Variants in CYP7B1 observed in about 807,000 individuals in gnomAD.
CYP7B1 encodes the protein cytochrome P450 7B1.
A neutral mutation model predicts 42.7 loss-of-function variants in CYP7B1; 29 were observed. The ratio of observed to expected loss-of-function variants is 0.68; its 90% CI spans 0.51 to 0.93. The LOEUF (loss-of-function observed/expected upper bound fraction) is 0.93. Among genes scored for constraint, CYP7B1 ranks in the 40% least tolerant of loss-of-function variants. The probability of loss-of-function intolerance (pLI) is 0.00; values close to 1 mark genes in which losing one functional copy is unlikely to be tolerated. For synonymous variants in CYP7B1, 235 were observed against 218.2 expected (o/e 1.08, Z -0.68); for missense variants, 655 against 600.5 (o/e 1.09, Z -0.95).
chr8:64,759,157 G>A (rs947641845), intron 1 of CYP7B1, among the ~76,000 whole-genome samples: 1 of 152,232 alleles, frequency 6.6e-6, no homozygotes, highest in Non-Finnish European at 1.5e-5. Context: ...TGAATCTGCT[G>A]TAGCTCGCCA....
At chr8:64,586,639 A>C (rs947020643), downstream of CYP7B1, among the ~76,000 whole-genome samples, 4 of 152,206 alleles carry the variant, frequency 2.6e-5, no homozygotes, top group Non-Finnish European at 4.4e-5. Flanking sequence ...CAGGAGTGGG[A>C]GGGAACAACT....
chr8:64,751,461 C>T (rs547926144), intron 1 of CYP7B1, among the ~76,000 whole-genome samples: 5 of 152,094 alleles, frequency 3.3e-5, no homozygotes, highest in Admixed American at 3.3e-4. Flanking sequence ...TCTATATTAA[C>T]CACCCTTTGT....
At chr8:64,629,839 C>T (rs1448773214) in intron 1 of CYP7B1, among the ~76,000 whole-genome samples, 4 of 152,168 alleles carry the variant, frequency 2.6e-5, no homozygotes, top group African/African-American at 9.7e-5. Context: ...GTCAGGATAT[C>T]GGGAAGAGGA....
chr8:64,621,952 C>T (rs1805537105), intron 2 of CYP7B1, among the ~76,000 whole-genome samples: 1 of 151,336 alleles, frequency 6.6e-6, no homozygotes, highest in Non-Finnish European at 1.5e-5. Context: ...ACCATGCTGG[C>T]CAGGATGGTC....
chr8:64,795,124 T>C (rs142854335), intron 1 of CYP7B1, among the ~76,000 whole-genome samples: 2,612 of 152,302 alleles, frequency 0.017, 42 homozygotes, highest in Middle Eastern at 0.054. Context: ...ATGTTATATA[T>C]ATTACAAACC....
intron 1 of CYP7B1, among the ~76,000 whole-genome samples, chr8:64,650,006 G>A (rs1399342495): frequency 6.6e-6 from 1 of 152,040 alleles, no homozygotes; most frequent in Non-Finnish European, 1.5e-5. Flanking sequence ...CCATTCTGTA[G>A]GTTGCTTTTT....
chr8:64,624,951 C>CTTTTTTT lies in CYP7B1; in HGVS notation c.123-419_123-413dup, dbSNP rs71260892. Among the ~76,000 whole-genome samples, 147 of 54,062 alleles carry CTTTTTTT rather than the reference C, an allele frequency of 2.7e-3. 40 individuals carry two copies. The highest frequency in any genetic ancestry group is 7.6e-3 in the African/African-American group (73 of 9,662). The allele number at this position is 54,062 out of a possible 152,430, so 35.5% of individuals were successfully genotyped here. On this transcript the variant is annotated intron_variant, in intron 1 of 5. Transcript: ENST00000310193. ...AGTCCCCAAAGTCCATTATATCATTCTTTTTTTTTTTTTTTTTTTTTTTTT... is the reference window on the plus strand; with the variant it reads ...AGTCCCCAAAGTCCATTATATCATTCTTTTTTTTTTTTTTTTTTTTTTTTTTTTTTTT...
At chr8:64,603,254 T>G (rs1805228701) in intron 5 of CYP7B1, among the ~76,000 whole-genome samples, 1 of 152,228 alleles carries the variant, frequency 6.6e-6, no homozygotes, top group Admixed American at 6.5e-5. Context: ...TTAGCATATT[T>G]TTGATTTTTA....
chr8:64,596,927 C>A lies in CYP7B1; in HGVS notation c.1236G>T (p.Glu412Asp). The change falls in exon 6 of 6, where the codon GAG (glutamate) becomes GAT (aspartate). Residue 412 changes from glutamate to aspartate, a missense_variant and splice_region_variant. By Grantham distance (45) the Glu-to-Asp change is conservative. Coordinates refer to ENST00000310193, the MANE Select transcript of CYP7B1 (RefSeq NM_004820.5). Reference sequence around the variant, plus strand: ...CTTCTATAAAACGATCATATCTAAACTCCTGTAAGGAAGAATAGTGTTAAA... The same window carrying A: ...CTTCTATAAAACGATCATATCTAAAATCCTGTAAGGAAGAATAGTGTTAAA... The part of the protein sequence containing the change: ...GDPEIFEAPE[E>D]FRYDRFIEDG... The A allele has an allele frequency of 6.2e-7, 1 of 1,606,412 alleles. No individual in the cohort carries two copies. The highest frequency in any genetic ancestry group is 2.2e-5 in the East Asian group (1 of 44,832).
intron 1 of CYP7B1, chr8:64,734,442 G>A (rs1437414063): frequency 1.3e-5 from 2 of 152,168 alleles, no homozygotes; most frequent in African/African-American, 2.4e-5. Context: ...GTCTTCACAT[G>A]GTAGAAAAGA....
At position 64,773,455 on chromosome 8, in the gene CYP7B1, C is replaced by T. The variant is rs144867518; in HGVS notation, c.122+25011G>A. Reference sequence around the variant, plus strand: ...CAAAGTAAAATATTTTTAGGTCACACGCCTACTCTTCAGCTTTCCAATGTG... The same window carrying T: ...CAAAGTAAAATATTTTTAGGTCACATGCCTACTCTTCAGCTTTCCAATGTG... On this transcript the variant is annotated intron_variant, in intron 1 of 5. Transcript: ENST00000310193. 8.5e-5 allele frequency among the ~76,000 whole-genome samples: 13 copies of T among 152,288 alleles called. 1 individual carries two copies. Among genetic ancestry groups the T allele is most frequent in the Admixed American group, 6.5e-4 (10 of 15,290 alleles).
At chr8:64,709,237 A>C (rs762855766) in intron 1 of CYP7B1, among the ~76,000 whole-genome samples, 45 of 152,198 alleles carry the variant, frequency 3.0e-4, no homozygotes, top group Non-Finnish European at 4.9e-4. Context: ...AAGCCTGTTT[A>C]GCTGCAAATG....
intron 1 of CYP7B1, among the ~76,000 whole-genome samples, chr8:64,666,058 AC>A (rs532216204): frequency 5.9e-5 from 9 of 152,332 alleles, no homozygotes; most frequent in Middle Eastern, 3.4e-3. Flanking sequence ...AATGATATAC[AC>A]CACAATGTTA....
intron 1 of CYP7B1, among the ~76,000 whole-genome samples, chr8:64,792,822 C>T (rs758191492): frequency 1.4e-4 from 21 of 151,940 alleles, no homozygotes; most frequent in South Asian, 2.1e-4. Flanking sequence ...ATACTGTAAA[C>T]GGGTTAAGAA....
intron 1 of CYP7B1, among the ~76,000 whole-genome samples, chr8:64,791,760 T>G (rs897993229): frequency 6.6e-6 from 1 of 152,226 alleles, no homozygotes. Context: ...AATATAGATT[T>G]GTGGTACCTG....
chr8:64,760,343 A>T (rs956894425), intron 1 of CYP7B1, among the ~76,000 whole-genome samples: 4 of 152,142 alleles, frequency 2.6e-5, no homozygotes, highest in Admixed American at 2.6e-4. Flanking sequence ...AGGCAATAAA[A>T]GCAAAAATAA....
At chr8:64,589,492 C>T (rs867438921), downstream of CYP7B1, among the ~76,000 whole-genome samples, 1 of 152,016 alleles carries the variant, frequency 6.6e-6, no homozygotes, top group African/African-American at 2.4e-5. Context: ...TTCCATTTGA[C>T]GTAGAAAACA....
At chr8:64,791,631 C>A (rs75170905) in intron 1 of CYP7B1, among the ~76,000 whole-genome samples, 3,426 of 152,228 alleles carry the variant, frequency 0.023, 134 homozygotes, top group African/African-American at 0.077. Context: ...ACAGCCCTTG[C>A]TCATGCTTTG....
At chr8:64,776,850 G>T (rs1256828499) in intron 1 of CYP7B1, among the ~76,000 whole-genome samples, 1 of 152,070 alleles carries the variant, frequency 6.6e-6, no homozygotes, top group Non-Finnish European at 1.5e-5. Context: ...ACACAGAGAT[G>T]CCAAGAAGAA....
Sources: allele counts gnomAD v4.1 joint callset (sites outside exome capture counted in the v4.1 genomes callset), GRCh38; gene constraint gnomAD v4.1.1; transcripts MANE v1.5; gene names NCBI Gene and HGNC (gene_info 2026-07-23, HGNC 2026-07-21).